The following NOX3 variants were observed in gnomAD, a reference collection of about 807,000 sequenced individuals.
NOX3 encodes NADPH oxidase catalytic subunit-like 3.
NOX3 carries 74 observed loss-of-function variants against 76.7 expected under a neutral mutation model. The observed-to-expected ratio is 0.96, with a 90% CI of 0.80 to 1.17. The LOEUF is 1.17. Among genes scored for constraint, NOX3 ranks in the 50% most tolerant of loss-of-function variants. NOX3 has a pLI of 0.00. For missense variants in NOX3, 695 were observed against 703.3 expected (o/e 0.99, Z 0.13); for synonymous variants, 263 against 261.1 (o/e 1.01, Z -0.07).
At chr6:155,422,161 C>G (rs1227129105) in intron 10 of NOX3, among the ~76,000 whole-genome samples, 1 of 152,010 alleles carries the variant, frequency 6.6e-6, no homozygotes, top group Non-Finnish European at 1.5e-5. Flanking sequence ...TGTCTAGATA[C>G]GACAAAGGAC....
chr6:155,409,104 A>G (rs1776508088), intron 11 of NOX3, among the ~76,000 whole-genome samples: 1 of 152,188 alleles, frequency 6.6e-6, no homozygotes, highest in African/African-American at 2.4e-5. Flanking sequence ...TAAAGAAAAT[A>G]TAAAAAGAAA....
intron 12 of NOX3, among the ~76,000 whole-genome samples, chr6:155,402,987 T>C (rs893222714): frequency 1.3e-5 from 2 of 152,194 alleles, no homozygotes; most frequent in Non-Finnish European, 2.9e-5. Flanking sequence ...GGAACAAACA[T>C]ATCCTTGACA....
intron 6 of NOX3, among the ~76,000 whole-genome samples, chr6:155,438,134 A>G (rs1001834610): frequency 1.3e-5 from 2 of 151,900 alleles, no homozygotes; most frequent in Non-Finnish European, 2.9e-5. Context: ...ATGTCTGTGA[A>G]TAGGGCTTCT....
chr6:155,418,277 C>T (rs1776645555), intron 10 of NOX3, among the ~76,000 whole-genome samples: 1 of 151,976 alleles, frequency 6.6e-6, no homozygotes, highest in African/African-American at 2.4e-5. Context: ...ATTAATCATA[C>T]CCGTTAGGCA....
chr6:155,447,709 A>C (rs1416404063), intron 4 of NOX3, among the ~76,000 whole-genome samples: 1 of 152,124 alleles, frequency 6.6e-6, no homozygotes, highest in Non-Finnish European at 1.5e-5. Flanking sequence ...GGAATATTTT[A>C]TTTATCTCAG....
intron 10 of NOX3, among the ~76,000 whole-genome samples, chr6:155,419,557 G>A (rs1027711697): frequency 7.9e-5 from 12 of 152,042 alleles, no homozygotes; most frequent in East Asian, 3.9e-4. Context: ...CACCTGAGTC[G>A]TGTCCAAATA....
chr6:155,404,817 G>A (rs1322677365), intron 12 of NOX3, among the ~76,000 whole-genome samples: 1 of 152,088 alleles, frequency 6.6e-6, no homozygotes, highest in Non-Finnish European at 1.5e-5. Flanking sequence ...GGGCAGTTGA[G>A]GTCTGAGTAA....
chr6:155,397,770 A>G (rs1441363554), intron 12 of NOX3, among the ~76,000 whole-genome samples: 2 of 152,244 alleles, frequency 1.3e-5, no homozygotes, highest in Admixed American at 1.3e-4. Flanking sequence ...TGCTAAAGTA[A>G]TAGCAATTTA....
At chr6:155,401,007 A>T (rs1287366716) in intron 12 of NOX3, among the ~76,000 whole-genome samples, 6 of 152,208 alleles carry the variant, frequency 3.9e-5, no homozygotes, top group Admixed American at 3.9e-4. Context: ...ATCCGATCCC[A>T]GGGAATGGTA....
intron 10 of NOX3, among the ~76,000 whole-genome samples, chr6:155,422,112 C>T (rs776823785): frequency 1.1e-4 from 17 of 152,280 alleles, no homozygotes; most frequent in Middle Eastern, 3.4e-3. Context: ...GCTCTAGTGC[C>T]TGCTGCTGGT....
chr6:155,448,144 T>C (rs1022347041), intron 4 of NOX3, among the ~76,000 whole-genome samples: 6 of 152,306 alleles, frequency 3.9e-5, no homozygotes, highest in African/African-American at 4.8e-5. Flanking sequence ...GCCCTTTTTT[T>C]CCCATCTGTG....
intron 11 of NOX3, among the ~76,000 whole-genome samples, chr6:155,408,737 C>T (rs1364609011): frequency 6.6e-6 from 1 of 152,046 alleles, no homozygotes; most frequent in African/African-American, 2.4e-5. Context: ...ACAAAGAAAA[C>T]GTGTTATATA....
intron 7 of NOX3, among the ~76,000 whole-genome samples, chr6:155,433,051 T>C (rs754359455): frequency 6.6e-6 from 1 of 152,230 alleles, no homozygotes; most frequent in Non-Finnish European, 1.5e-5. Flanking sequence ...ACAAATAATC[T>C]TCCCCACCCA....
At chr6:155,438,126 G>A (rs1045652968) in intron 6 of NOX3, among the ~76,000 whole-genome samples, 31 of 152,194 alleles carry the variant, frequency 2.0e-4, no homozygotes, top group African/African-American at 6.5e-4. Flanking sequence ...AGCACATCAT[G>A]TCTGTGAATA....
At chr6:155,414,126 T>C (rs1776592823) in intron 10 of NOX3, among the ~76,000 whole-genome samples, 1 of 152,196 alleles carries the variant, frequency 6.6e-6, no homozygotes, top group Non-Finnish European at 1.5e-5. Context: ...GCAGCTTTGG[T>C]GTAAGAGGCT....
rs768268215 is a variant in NOX3 at position 155,440,065 on chromosome 6, T to A, written c.559A>T (p.Ile187Phe). ...GLVISLALVL[I>F]MTSSTEFIRQ... ...ATGAACTCAGTTGACGAGGTCATGA[T>A]CAAGACTAAAGCCAGAGAGATCACC... The change falls in exon 6 of 14, where the codon ATC becomes TTC. Residue 187 changes from isoleucine (I) to phenylalanine (F), a missense_variant. Ile to Phe is a conservative substitution (Grantham distance 21). Transcript: ENST00000159060. The A allele has an allele frequency of 6.2e-7, 1 of 1,614,022 alleles. No individual in the cohort carries two copies. The highest frequency in any genetic ancestry group is 8.5e-7 in the Non-Finnish European group (1 of 1,179,988).
intron 9 of NOX3, among the ~76,000 whole-genome samples, chr6:155,423,415 A>G (rs921622812): frequency 3.9e-5 from 6 of 152,244 alleles, no homozygotes; most frequent in Admixed American, 2.6e-4. Flanking sequence ...TGGAACTTCT[A>G]AAACCCATTA....
At chr6:155,405,770 T>A (rs1247806205) in intron 12 of NOX3, among the ~76,000 whole-genome samples, 2 of 152,192 alleles carry the variant, frequency 1.3e-5, no homozygotes, top group Non-Finnish European at 2.9e-5. Context: ...TCACCTCCTC[T>A]GCTGCTCCCT....
At position 155,454,939 on chromosome 6, in the gene NOX3, CAT is replaced by C; in HGVS notation, c.145-20_145-19del. The stretch of plus-strand genomic sequence containing the variant: ...AGTGTTGACTGTCCACATGTAAAGA[CAT>C]AAAAAAGAGATTCAGGGAAAACAAG... On this transcript the variant is annotated intron_variant, in intron 2 of 13. Transcript: ENST00000159060. 3 of 1,595,252 alleles carry C rather than the reference CAT, an allele frequency of 1.9e-6. No individual in the cohort carries two copies. Among genetic ancestry groups the C allele is most frequent in the Non-Finnish European group, 2.6e-6 (3 of 1,165,984 alleles).
Sources: allele counts gnomAD v4.1 joint callset (sites outside exome capture counted in the v4.1 genomes callset), GRCh38; gene constraint gnomAD v4.1.1; transcripts MANE v1.5; gene names NCBI Gene and HGNC (gene_info 2026-07-23, HGNC 2026-07-21).